The following PKD2 variants were observed in gnomAD, a reference collection of about 807,000 sequenced individuals.
PKD2 encodes polycystin 2, transient receptor potential cation channel.
PKD2 carries 48 observed loss-of-function variants against 105.9 expected under a neutral mutation model. The ratio of observed to expected loss-of-function variants is 0.45; its 90% confidence interval spans 0.36 to 0.58. PKD2 has a LOEUF of 0.58. Ranked by LOEUF, PKD2 falls within the 20% of genes least tolerant of loss-of-function variation. The pLI is 0.00. For missense variants in PKD2, 1,078 were observed against 1,255.3 expected (o/e 0.86, Z 2.13); for synonymous variants, 464 against 481.1 (o/e 0.96, Z 0.46).
At chr4:88,065,581 C>G in intron 11 of PKD2, 86 bp downstream of exon 11, 4 of 1,381,902 alleles carry the variant, frequency 2.9e-6, no homozygotes, top group Non-Finnish European at 4.1e-6. Flanking sequence ...AGCCCAAGGG[C>G]TCATACAGAT....
intron 6 of PKD2, among the ~76,000 whole-genome samples, chr4:88,049,143 G>A (rs1016153697): frequency 1.2e-4 from 19 of 152,360 alleles, no homozygotes; most frequent in Non-Finnish European, 2.5e-4. Flanking sequence ...ACCTATCAGT[G>A]AAAGCTTTGA....
At chr4:88,031,457 A>T (rs1006596654) in intron 2 of PKD2, among the ~76,000 whole-genome samples, 1 of 152,188 alleles carries the variant, frequency 6.6e-6, no homozygotes, top group Non-Finnish European at 1.5e-5. Context: ...CTAACAAAAC[A>T]GTTAGTTTTC....
intron 1 of PKD2, among the ~76,000 whole-genome samples, chr4:88,011,910 G>C (rs537540555): frequency 0.011 from 1,466 of 127,900 alleles, 70 homozygotes; most frequent in African/African-American, 0.04. Flanking sequence ...GGGGGGGAGG[G>C]GCAGTTTTGC....
intron 2 of PKD2, among the ~76,000 whole-genome samples, chr4:88,031,161 A>G (rs1727135758): frequency 6.6e-6 from 1 of 152,208 alleles, no homozygotes; most frequent in Admixed American, 6.5e-5. Flanking sequence ...AATACTCTAC[A>G]GTGTATTGTA....
chr4:88,013,899 G>A (rs144272240), intron 1 of PKD2, among the ~76,000 whole-genome samples: 2 of 152,266 alleles, frequency 1.3e-5, no homozygotes, highest in Non-Finnish European at 2.9e-5. Context: ...TTTTCCTGTA[G>A]ACATTTGGAG....
chr4:88,018,588 G>C (rs1049951485), intron 1 of PKD2, among the ~76,000 whole-genome samples: 18 of 152,166 alleles, frequency 1.2e-4, no homozygotes, highest in Non-Finnish European at 5.9e-5. Context: ...CCAGCAATGT[G>C]ACTTTACCAC....
chr4:88,035,652 T>G (rs887426693), intron 2 of PKD2, among the ~76,000 whole-genome samples: 2 of 152,320 alleles, frequency 1.3e-5, no homozygotes, highest in South Asian at 4.1e-4. Flanking sequence ...TAACAAACTC[T>G]GACCTCGGTA....
chr4:88,008,384 C>T (rs966175897), intron 1 of PKD2, 56 bp downstream of exon 1: 41 of 1,472,180 alleles, frequency 2.8e-5, no homozygotes, highest in South Asian at 6.4e-5. Flanking sequence ...CCGGCGCCGG[C>T]CGGGGCCATC....
intron 4 of PKD2, among the ~76,000 whole-genome samples, chr4:88,041,391 C>G (rs887636763): frequency 1.3e-5 from 2 of 152,108 alleles, no homozygotes; most frequent in African/African-American, 4.8e-5. Context: ...AAGACCACCC[C>G]CAGGTTCAGT....
At chr4:88,015,384 T>TTA in intron 1 of PKD2, among the ~76,000 whole-genome samples, 1 of 152,354 alleles carries the variant, frequency 6.6e-6, no homozygotes, top group East Asian at 1.9e-4. Context: ...CTCTTTGTGA[T>TTA]ATTTCTGATA....
chr4:88,054,660 T>TC (rs1395680163), intron 7 of PKD2, among the ~76,000 whole-genome samples: 1 of 145,330 alleles, frequency 6.9e-6, no homozygotes, highest in East Asian at 2.0e-4. Context: ...CTTTTTTTTT[T>TC]TTTTTTTTTT....
chr4:88,013,050 T>G (rs1426263678), intron 1 of PKD2, among the ~76,000 whole-genome samples: 2 of 152,190 alleles, frequency 1.3e-5, no homozygotes, highest in Non-Finnish European at 2.9e-5. Flanking sequence ...GCATTTGCGG[T>G]TTTTTTCCAC....
At chr4:88,015,036 G>T (rs1007730857) in intron 1 of PKD2, among the ~76,000 whole-genome samples, 2 of 152,228 alleles carry the variant, frequency 1.3e-5, no homozygotes. Context: ...GTTGCACCAT[G>T]CCTTGATAAT....
rs1726233146 is a variant in PKD2, at chr4:88,007,938, G to C, written c.205G>C (p.Ala69Pro). ...GCAGGCGGCCGCGCGGGACCCCCCGGCCGGAGCCGCGGCCTCCCCTTCTCC... is the reference window on the plus strand; with the variant it reads ...GCAGGCGGCCGCGCGGGACCCCCCGCCCGGAGCCGCGGCCTCCCCTTCTCC... The part of the protein sequence containing the change: ...IRQAAARDPP[A>P]GAAASPSPPL... Residue 69 changes from alanine to proline, a missense_variant, in exon 1 of 15, where the codon GCC becomes CCC. Coordinates refer to ENST00000237596, the MANE Select transcript of PKD2 (RefSeq NM_000297.4). 3 of 1,463,142 alleles carry C rather than the reference G, an allele frequency of 2.1e-6. No individual in the cohort carries two copies. The highest frequency in any genetic ancestry group is 2.7e-6 in the Non-Finnish European group (3 of 1,106,318). 90.6% of individuals were successfully genotyped at this position (1,463,142 alleles called of 1,614,324 possible). A position where few individuals can be genotyped will look rare whatever the true frequency, so the allele number is the denominator to read the frequency against.
chr4:88,065,986 C>CCA (rs1720778306), intron 12 of PKD2, 107 bp downstream of exon 12: 1 of 764,256 alleles, frequency 1.3e-6, no homozygotes, highest in African/African-American at 1.7e-5. Flanking sequence ...CCATTCCCCA[C>CCA]CACACTCTCT....
rs1024285045 is a variant in PKD2, at chr4:88,076,266, T to C, written c.*572T>C. 3 of 155,726 alleles carry C rather than the reference T, an allele frequency of 1.9e-5. No homozygotes were observed. Among genetic ancestry groups the C allele is most frequent in the African/African-American group, 7.2e-5 (3 of 41,454 alleles). The allele number at this position is 155,726 out of a possible 1,614,324, so 9.6% of individuals were successfully genotyped here. ...AATCTGTGTGAATGGTTAAGATGAATGTTAAATACTATGCTTTTTTGTAAG... is the reference window on the plus strand; with the variant it reads ...AATCTGTGTGAATGGTTAAGATGAACGTTAAATACTATGCTTTTTTGTAAG... On this transcript the variant is annotated 3_prime_UTR_variant, in exon 15 of 15. Coordinates refer to ENST00000237596, the MANE Select transcript of PKD2 (RefSeq NM_000297.4).
rs1727649145 is a variant in PKD2, at chr4:88,043,330, A to G, written c.1192A>G (p.Thr398Ala). The G allele has an allele frequency of 1.2e-6, 2 of 1,613,724 alleles. No homozygotes were observed. The highest frequency in any genetic ancestry group is 1.3e-5 in the African/African-American group (1 of 74,924). Residue 398 changes from threonine (T) to alanine (A), a missense_variant, in exon 5 of 15, where the codon ACA becomes GCA. Thr to Ala is a moderately conservative substitution (Grantham distance 58, BLOSUM62 0). Around this residue, in one of 2 missense-constraint regions of PKD2, gnomAD observed 868 missense variants for 1,067.3 expected, o/e 0.81. Coordinates refer to ENST00000237596, the MANE Select transcript of PKD2 (RefSeq NM_000297.4). ...GAGYYLDLSR[T>A]REETAAQVAS... The stretch of plus-strand genomic sequence containing the variant: ...TGGCTATTATCTGGATTTGTCAAGA[A>G]CAAGAGAGGAAACAGCTGCACAAGT...
intron 2 of PKD2, among the ~76,000 whole-genome samples, chr4:88,027,701 A>G (rs1036609607): frequency 1.3e-5 from 2 of 152,316 alleles, no homozygotes; most frequent in East Asian, 1.9e-4. Context: ...CTCATCTCCA[A>G]TTGTAATCCC....
chr4:88,033,371 G>A (rs28634790), intron 2 of PKD2, among the ~76,000 whole-genome samples: 13,400 of 151,440 alleles, frequency 0.088, 908 homozygotes, highest in East Asian at 0.26. Flanking sequence ...AAGCTGCAGT[G>A]AGCTGAGATG....
Sources: gnomAD v4.1 joint callset for allele counts (sites outside exome capture counted in the v4.1 genomes callset) on GRCh38, gnomAD v4.1.1 for gene constraint, gnomAD v4.1.1 regional missense constraint, MANE v1.5 for transcripts, NCBI Gene and HGNC (gene_info 2026-07-23, HGNC 2026-07-21) for gene names.